CDH18: variants seen among roughly 807,000 people sequenced by gnomAD.
CDH18 encodes the protein cadherin-18.
CDH18 carries 31 observed loss-of-function variants against 67.9 expected under a neutral mutation model. The ratio of observed to expected loss-of-function variants is 0.46; its 90% CI spans 0.34 to 0.62. The LOEUF (loss-of-function observed/expected upper bound fraction) is 0.62. Ranked by LOEUF, CDH18 falls within the 20% of genes least tolerant of loss-of-function variation. The pLI is 0.01. For missense variants in CDH18, 890 were observed against 975.5 expected, an observed-to-expected ratio of 0.91 and a Z score of 1.17; for synonymous variants, 362 against 347.2, an observed-to-expected ratio of 1.04 and a Z score of -0.48.
intron 1 of CDH18, among the ~76,000 whole-genome samples, chr5:20,315,379 C>T (rs1335643534): frequency 6.6e-6 from 1 of 152,184 alleles, no homozygotes; most frequent in East Asian, 1.9e-4. Flanking sequence ...AAAATCCATT[C>T]TCCAGGCCTT....
chr5:20,383,052 C>T (rs1744042139), intron 1 of CDH18, among the ~76,000 whole-genome samples: 1 of 152,018 alleles, frequency 6.6e-6, no homozygotes. Context: ...CACAAACTAT[C>T]TAAAAATCCC....
intron 1 of CDH18, among the ~76,000 whole-genome samples, chr5:20,553,606 G>A (rs546607816): frequency 2.6e-5 from 4 of 152,308 alleles, no homozygotes; most frequent in East Asian, 3.9e-4. Flanking sequence ...CTACAGATTA[G>A]ATGTCCCATG....
chr5:19,697,853 A>T (rs1762734486), intron 5 of CDH18, among the ~76,000 whole-genome samples: 2 of 152,122 alleles, frequency 1.3e-5, no homozygotes, highest in Admixed American at 6.6e-5. Flanking sequence ...AAGTGTTCAT[A>T]GTGCCTGCCC....
intron 7 of CDH18, among the ~76,000 whole-genome samples, chr5:19,577,869 A>T (rs2149969134): frequency 6.6e-6 from 1 of 152,328 alleles, no homozygotes; most frequent in South Asian, 2.1e-4. Flanking sequence ...ATAATCCTCG[A>T]TTATTTAGGT....
chr5:19,703,522 T>G (rs1763545186), intron 5 of CDH18, among the ~76,000 whole-genome samples: 1 of 152,124 alleles, frequency 6.6e-6, no homozygotes, highest in African/African-American at 2.4e-5. Context: ...CCCCTCATTA[T>G]TTTGAAGAAA....
At chr5:19,788,890 T>C (rs914258115) in intron 3 of CDH18, among the ~76,000 whole-genome samples, 2 of 152,212 alleles carry the variant, frequency 1.3e-5, no homozygotes, top group African/African-American at 4.8e-5. Flanking sequence ...TCTCTTCTAT[T>C]TTCCCTAACT....
At position 20,265,915 on chromosome 5, in the gene CDH18, C is replaced by T. The variant is rs115142591; in HGVS notation, c.-579-10410G>A. ...GGTAGCTAGTAAAGATGACTGACCT[C>T]ACAAATGTGGGTGGACATCACCAAA... On this transcript the variant is annotated intron_variant, in intron 1 of 14. Coordinates refer to the CDH18 transcript ENST00000507958. 1.0e-3 allele frequency among the ~76,000 whole-genome samples: 156 copies of T among 152,292 alleles called. 1 individual carries two copies. The highest frequency in any genetic ancestry group is 3.6e-3 in the African/African-American group (150 of 41,566).
intron 2 of CDH18, among the ~76,000 whole-genome samples, chr5:20,177,888 G>A (rs1367684160): frequency 6.6e-6 from 1 of 151,940 alleles, no homozygotes; most frequent in African/African-American, 2.4e-5. Context: ...GCTCCTCTTT[G>A]CCTTCCACCA....
intron 5 of CDH18, among the ~76,000 whole-genome samples, chr5:19,668,711 G>A (rs1264738767): frequency 6.6e-6 from 1 of 151,970 alleles, no homozygotes; most frequent in Admixed American, 6.6e-5. Context: ...TTAATTAATT[G>A]TGAAAAATAA....
rs553235194 is a variant in CDH18, at chr5:19,753,557, G to A, written c.229-6321C>T. On this transcript the variant is annotated intron_variant, in intron 3 of 12. Coordinates refer to ENST00000382275, the MANE Select transcript of CDH18 (RefSeq NM_004934.5). ...ATGACCAAACCTAAGAATAATCAGT[G>A]TTCTTCAAGAAGAAGAGAAATCTAA... Among the ~76,000 whole-genome samples the A allele has an allele frequency of 3.9e-5, 6 of 152,312 alleles. 1 individual carries two copies. In the South Asian group the frequency reaches 1.2e-3, roughly 32 times the overall value.
chr5:20,025,409 A>G (rs906526422), intron 2 of CDH18, among the ~76,000 whole-genome samples: 4 of 152,184 alleles, frequency 2.6e-5, no homozygotes, highest in African/African-American at 9.7e-5. Flanking sequence ...CCAATAAAAT[A>G]TATAAATATA....
intron 2 of CDH18, among the ~76,000 whole-genome samples, chr5:20,018,210 G>A (rs1342938462): frequency 6.6e-6 from 1 of 152,136 alleles, no homozygotes; most frequent in Non-Finnish European, 1.5e-5. Context: ...GGCCCATGTG[G>A]CAGATTAATG....
At chr5:19,768,842 A>C (rs1372673967) in intron 3 of CDH18, among the ~76,000 whole-genome samples, 1 of 152,116 alleles carries the variant, frequency 6.6e-6, no homozygotes, top group Non-Finnish European at 1.5e-5. Flanking sequence ...AATATCTCAC[A>C]AAATAGAAAA....
chr5:20,493,056 AAT>A (rs1475181149), intron 1 of CDH18, among the ~76,000 whole-genome samples: 1 of 152,106 alleles, frequency 6.6e-6, no homozygotes, highest in Non-Finnish European at 1.5e-5. Flanking sequence ...AACTTTATGA[AAT>A]ATGTTTTTGG....
At chr5:20,078,761 C>G (rs776477679) in intron 2 of CDH18, among the ~76,000 whole-genome samples, 13 of 151,834 alleles carry the variant, frequency 8.6e-5, no homozygotes, top group Non-Finnish European at 1.8e-4. Context: ...TGCCACCACG[C>G]CCAGCTAATA....
At chr5:20,351,376 T>C (rs1741173981) in intron 1 of CDH18, among the ~76,000 whole-genome samples, 1 of 152,154 alleles carries the variant, frequency 6.6e-6, no homozygotes, top group African/African-American at 2.4e-5. Context: ...AGAAATATTT[T>C]ATTTGCAATA....
intron 1 of CDH18, among the ~76,000 whole-genome samples, chr5:20,415,681 G>C (rs1397633781): frequency 1.3e-5 from 2 of 152,100 alleles, no homozygotes; most frequent in Non-Finnish European, 2.9e-5. Flanking sequence ...GCTGAGGCAG[G>C]AGAATGGCGT....
intron 1 of CDH18, chr5:20,305,695 G>A (rs1198355447): frequency 4.7e-6 from 2 of 428,464 alleles, no homozygotes; most frequent in South Asian, 2.5e-5. Flanking sequence ...GTTCGGCAGC[G>A]AGGCGGCGAG....
At chr5:19,755,427 G>GTGTATATATATATATA (rs1554024291) in intron 3 of CDH18, among the ~76,000 whole-genome samples, 14 of 44,674 alleles carry the variant, frequency 3.1e-4, no homozygotes, top group African/African-American at 8.3e-4. Context: ...AACTAACAGG[G>GTGTATATATATATATA]TATGTATATA....
Sources: gnomAD v4.1 joint callset for allele counts (sites outside exome capture counted in the v4.1 genomes callset) on GRCh38, gnomAD v4.1.1 for gene constraint, MANE v1.5 for transcripts, NCBI Gene and HGNC (gene_info 2026-07-23, HGNC 2026-07-21) for gene names.